The following FEZ1 variants were observed in gnomAD, a reference collection of about 807,000 sequenced individuals.
The protein encoded by FEZ1 is fasciculation and elongation protein zeta 1, also known as fasciculation and elongation protein zeta-1.
A neutral mutation model predicts 49.3 loss-of-function variants in FEZ1; 20 were observed. The observed-to-expected ratio is 0.41, with a 90% CI of 0.29 to 0.59. The LOEUF is 0.59. FEZ1 is among the 20% of genes least tolerant of loss of function. The probability of loss-of-function intolerance (pLI) is 0.36; values close to 1 mark genes in which losing one functional copy is unlikely to be tolerated. For missense variants in FEZ1, 413 were observed against 476.0 expected, an observed-to-expected ratio of 0.87 and a Z score of 1.23; for synonymous variants, 170 against 180.9, an observed-to-expected ratio of 0.94 and a Z score of 0.48.
At chr11:125,458,040 A>G (rs917255015) in intron 5 of FEZ1, among the ~76,000 whole-genome samples, 27 of 152,148 alleles carry the variant, frequency 1.8e-4, no homozygotes, top group African/African-American at 6.3e-4. Flanking sequence ...GTGGCTGGGA[A>G]GGGCCTGACA....
chr11:125,469,963 C>T (rs978618891), intron 3 of FEZ1, among the ~76,000 whole-genome samples: 13 of 152,026 alleles, frequency 8.6e-5, no homozygotes, highest in Admixed American at 3.9e-4. Context: ...GATCCCCCTG[C>T]CTTGTCCTCC....
At chr11:125,468,793 C>T (rs1380312439) in intron 3 of FEZ1, among the ~76,000 whole-genome samples, 2 of 152,140 alleles carry the variant, frequency 1.3e-5, no homozygotes, top group Admixed American at 6.5e-5. Flanking sequence ...GAATTGCAGA[C>T]CCCGAGGGGC....
chr11:125,450,330 T>C (rs1245155589), intron 8 of FEZ1, among the ~76,000 whole-genome samples: 1 of 152,152 alleles, frequency 6.6e-6, no homozygotes, highest in Admixed American at 6.5e-5. Flanking sequence ...ATACTCGGCC[T>C]GTTTTATTTT....
chr11:125,451,641 C>G (rs1017502286), intron 8 of FEZ1: 3 of 152,214 alleles, frequency 2.0e-5, no homozygotes, highest in African/African-American at 7.2e-5. Flanking sequence ...GGATTTTTCT[C>G]GTCCTAAGAG....
chr11:125,483,903 C>T (rs1957305876), intron 2 of FEZ1, among the ~76,000 whole-genome samples: 1 of 152,174 alleles, frequency 6.6e-6, no homozygotes, highest in South Asian at 2.1e-4. Flanking sequence ...CCGCTTTTCT[C>T]ATCTGAGCCT....
At position 125,474,459 on chromosome 11, in the gene FEZ1, C is replaced by G. The variant is rs146050910; in HGVS notation, c.411+7075G>C. Among the ~76,000 whole-genome samples, 1,176 of 152,260 alleles carry G rather than the reference C, an allele frequency of 7.7e-3. 15 individuals carry two copies. The highest frequency in any genetic ancestry group is 0.026 in the African/African-American group (1,090 of 41,566). Reference sequence around the variant, plus strand: ...CTGGGATTACAAGCTTGAGCCACCACACTCAGCCTTCATCACATTTAAAAA... The same window carrying G: ...CTGGGATTACAAGCTTGAGCCACCAGACTCAGCCTTCATCACATTTAAAAA... On this transcript the variant is annotated intron_variant, in intron 3 of 9. Transcript: ENST00000278919.
intron 3 of FEZ1, among the ~76,000 whole-genome samples, chr11:125,464,133 A>C (rs914534921): frequency 6.6e-6 from 1 of 152,228 alleles, no homozygotes; most frequent in Non-Finnish European, 1.5e-5. Context: ...TGCATGGGAC[A>C]TGCCACTGAA....
chr11:125,471,431 T>TACACACACACACACACAAACACAC (rs1408603084), intron 3 of FEZ1, among the ~76,000 whole-genome samples: 11 of 147,882 alleles, frequency 7.4e-5, no homozygotes, highest in African/African-American at 2.7e-4. Flanking sequence ...TTGAGATAGA[T>TACACACACACACACACAAACACAC]ACACACACAC....
rs774226358 is a variant in FEZ1 at position 125,495,650 on chromosome 11, T to C, written c.-46+471A>G. The stretch of plus-strand genomic sequence containing the variant: ...TAGGGACAAAGATGATCTTGGGGCG[T>C]TTACGGTGACTGGACCAGATAACGG... On this transcript the variant is annotated intron_variant, in intron 1 of 9. Transcript: ENST00000278919. This position sits in a 1 kb window ranked among gnomAD's most constrained non-coding sequence, Gnocchi z 4.2. 2.6e-5 allele frequency: 11 copies of C among 427,356 alleles called. 1 individual carries two copies. The highest frequency in any genetic ancestry group is 1.9e-4 in the South Asian group (11 of 58,902). 26.5% of individuals were successfully genotyped at this position (427,356 alleles called of 1,614,324 possible). A position where few individuals can be genotyped will look rare whatever the true frequency, so the allele number is the denominator to read the frequency against.
chr11:125,494,290 C>T (rs1957435826), intron 1 of FEZ1, among the ~76,000 whole-genome samples: 1 of 152,226 alleles, frequency 6.6e-6, no homozygotes, highest in African/African-American at 2.4e-5. Context: ...TCCAGGAGGG[C>T]TCTGTGGATT....
At chr11:125,472,686 A>C (rs1243327544) in intron 3 of FEZ1, among the ~76,000 whole-genome samples, 1 of 152,172 alleles carries the variant, frequency 6.6e-6, no homozygotes, top group Non-Finnish European at 1.5e-5. Context: ...CAAAGTAGAG[A>C]TAGAGAGGAT....
Position 125,443,693 on chromosome 11 carries a change from A to C in FEZ1, c.*2402T>G, listed in dbSNP as rs973585521. 6.6e-6 allele frequency among the ~76,000 whole-genome samples: 1 copy of C among 152,212 alleles called. No homozygotes were observed. The highest frequency in any genetic ancestry group is 2.4e-5 in the African/African-American group (1 of 41,458). Reference sequence around the variant, plus strand: ...ACTTTGAATAGGAAGAACACAGGGAAGGGCAATGCAAAACCATGAGGAATT... The same window carrying C: ...ACTTTGAATAGGAAGAACACAGGGACGGGCAATGCAAAACCATGAGGAATT... On this transcript the variant is annotated 3_prime_UTR_variant, in exon 10 of 10. Transcript: ENST00000278919.
intron 3 of FEZ1, among the ~76,000 whole-genome samples, chr11:125,478,339 A>T (rs1957250057): frequency 6.6e-6 from 1 of 152,110 alleles, no homozygotes. Flanking sequence ...CTACTCAGGA[A>T]ACTGAGGCAG....
At chr11:125,493,208 C>T (rs958679408) in intron 1 of FEZ1, among the ~76,000 whole-genome samples, 2 of 150,952 alleles carry the variant, frequency 1.3e-5, no homozygotes, top group Non-Finnish European at 2.9e-5. Context: ...GTGGCAGGTG[C>T]CTGTAATCCC....
At chr11:125,476,618 TA>T (rs1432106430) in intron 3 of FEZ1, among the ~76,000 whole-genome samples, 1 of 151,920 alleles carries the variant, frequency 6.6e-6, no homozygotes, top group East Asian at 1.9e-4. Flanking sequence ...AAGAACATCC[TA>T]AAAGCTTCCA....
In FEZ1 at chr11:125,460,514, G is replaced by C; in HGVS notation, c.651C>G (p.Asn217Lys). 1 of 1,614,038 alleles carries C rather than the reference G, an allele frequency of 6.2e-7. No individual in the cohort carries two copies. Among genetic ancestry groups the C allele is most frequent in the Non-Finnish European group, 8.5e-7 (1 of 1,179,982 alleles). The change falls in exon 5 of 10, where the codon AAC (asparagine) becomes AAG (lysine). Residue 217 changes from asparagine to lysine, a missense_variant. Coordinates refer to ENST00000278919, the MANE Select transcript of FEZ1 (RefSeq NM_005103.5). ...GGCCCTCACCTTCATAGGACCAGTT[G>C]TTGTTGAAGGTCTGTGTCAATGCCT... Reference protein sequence around the residue: ...EMQALTQTFNNNWSYEGLRHM... With the variant: ...EMQALTQTFNKNWSYEGLRHM...
At chr11:125,457,429 A>AAAATATATAT (rs1164500309) in intron 5 of FEZ1, among the ~76,000 whole-genome samples, 81 of 20,888 alleles carry the variant, frequency 3.9e-3, no homozygotes, top group Admixed American at 0.014. Context: ...AAAAAAAAAA[A>AAAATATATAT]ATATATATAT....
chr11:125,464,882 A>C (rs945106733), intron 3 of FEZ1, among the ~76,000 whole-genome samples: 2 of 152,170 alleles, frequency 1.3e-5, no homozygotes, highest in Admixed American at 1.3e-4. Context: ...TCTCTCTGCC[A>C]AGTCCACCAC....
At chr11:125,480,774 T>C (rs1190696968) in intron 3 of FEZ1, among the ~76,000 whole-genome samples, 1 of 152,190 alleles carries the variant, frequency 6.6e-6, no homozygotes, top group Non-Finnish European at 1.5e-5. Flanking sequence ...GTGTGGTGGC[T>C]CACGCCTGTA....
Sources: allele counts gnomAD v4.1 joint callset (sites outside exome capture counted in the v4.1 genomes callset), GRCh38; gene constraint gnomAD v4.1.1; non-coding constraint Gnocchi (gnomAD v3.1); transcripts MANE v1.5; gene names NCBI Gene and HGNC (gene_info 2026-07-23, HGNC 2026-07-21).